PVT1: variants seen among roughly 807,000 people sequenced by gnomAD.
PVT1 encodes CXCR4/PVT1 fusion.
At chr8:127,885,123 G>T (rs1815508717) in intron 2 of PVT1, among the ~76,000 whole-genome samples, 1 of 151,856 alleles carries the variant, frequency 6.6e-6, no homozygotes, top group Admixed American at 6.6e-5. Flanking sequence ...ACATTCAGGA[G>T]CAGTGCCTCT....
At chr8:128,089,882 G>A (rs2648898) in intron 5 of PVT1, among the ~76,000 whole-genome samples, 27,086 of 152,116 alleles carry the variant, frequency 0.18, 2,807 homozygotes, top group East Asian at 0.29. Context: ...ATGTGAGTTC[G>A]CTAGGGCCTC....
At chr8:127,890,038 TAGTG>T (rs903610883) in intron 2 of PVT1, among the ~76,000 whole-genome samples, 6 of 152,124 alleles carry the variant, frequency 3.9e-5, no homozygotes, top group African/African-American at 1.4e-4. Flanking sequence ...GCTCAGTAGT[TAGTG>T]AATGAATGAG....
intron 2 of PVT1, among the ~76,000 whole-genome samples, chr8:127,878,454 T>C (rs1815429788): frequency 6.6e-6 from 1 of 152,182 alleles, no homozygotes; most frequent in South Asian, 2.1e-4. Flanking sequence ...GCTTCGCAGA[T>C]TTGGAAGCCT....
chr8:127,863,236 C>T (rs932173799), intron 2 of PVT1, among the ~76,000 whole-genome samples: 3 of 152,010 alleles, frequency 2.0e-5, no homozygotes, highest in South Asian at 2.1e-4. Flanking sequence ...TTCAGCCTCC[C>T]GAGTTGCTGG....
intron 2 of PVT1, among the ~76,000 whole-genome samples, chr8:127,820,132 G>C (rs73710030): frequency 5.1e-4 from 78 of 152,320 alleles, no homozygotes; most frequent in African/African-American, 1.9e-3. Flanking sequence ...AAGGCCAGCG[G>C]TCCAGCACTC....
chr8:127,966,484 C>T (rs529363953), intron 3 of PVT1, among the ~76,000 whole-genome samples: 1 of 152,312 alleles, frequency 6.6e-6, no homozygotes, highest in African/African-American at 2.4e-5. Context: ...GGAAGCTAAA[C>T]TGGGACATAA....
chr8:128,032,074 A>G (rs1306747905), intron 4 of PVT1, among the ~76,000 whole-genome samples: 1 of 152,172 alleles, frequency 6.6e-6, no homozygotes, highest in Non-Finnish European at 1.5e-5. Flanking sequence ...TTTCAAATCC[A>G]TTTTCATTGT....
At chr8:128,048,298 C>T (rs1813644586) in intron 4 of PVT1, 1 of 152,158 alleles carries the variant, frequency 6.6e-6, no homozygotes, top group Admixed American at 6.5e-5. Flanking sequence ...GTTTTCTTTC[C>T]ACAGTTTCCT....
At chr8:128,027,422 T>C (rs993319301) in intron 4 of PVT1, among the ~76,000 whole-genome samples, 3 of 152,122 alleles carry the variant, frequency 2.0e-5, no homozygotes, top group African/African-American at 7.2e-5. Flanking sequence ...GGGACAGGCA[T>C]CCTATATCCT....
intron 4 of PVT1, among the ~76,000 whole-genome samples, chr8:128,063,877 A>T (rs920346661): frequency 1.3e-5 from 2 of 152,250 alleles, no homozygotes; most frequent in Non-Finnish European, 2.9e-5. Flanking sequence ...TAACTACATG[A>T]GGTAATGCAC....
intron 5 of PVT1, among the ~76,000 whole-genome samples, chr8:128,075,589 T>C (rs1341870732): frequency 6.6e-6 from 1 of 152,074 alleles, no homozygotes; most frequent in Non-Finnish European, 1.5e-5. Context: ...GTGTAGGTCA[T>C]GTTTGTTATC....
rs558121116 is a variant in PVT1, at chr8:127,812,268, A to C, written n.372+16197A>C. On this transcript the variant is annotated intron_variant and non_coding_transcript_variant, in intron 2 of 10. Transcript: ENST00000651587. ...GAAGGCAGGAAGGCAGGAAGGCAGG[A>C]AGGAAGGAAGGAAGGAAGGAAGAGA... 2.6e-4 allele frequency among the ~76,000 whole-genome samples: 34 copies of C among 131,306 alleles called. No individual in the cohort carries two copies. The South Asian group carries it at 6.8e-3, about 26-fold the overall frequency. The allele number at this position is 131,306 out of a possible 152,430, so 86.1% of individuals were successfully genotyped here. A position where few individuals can be genotyped will look rare whatever the true frequency, so the allele number is the denominator to read the frequency against.
At chr8:128,019,396 T>A (rs902277822) in intron 4 of PVT1, among the ~76,000 whole-genome samples, 2 of 152,304 alleles carry the variant, frequency 1.3e-5, no homozygotes, top group Admixed American at 1.3e-4. Context: ...TTTATGCAAA[T>A]GTAGTGGTGC....
rs1367256141 is a variant in PVT1 at position 127,839,562 on chromosome 8, T to TA, written n.372+43501dup. On this transcript the variant is annotated intron_variant and non_coding_transcript_variant, in intron 2 of 10. Transcript: ENST00000651587. ...GAGATCCTATCTCAAAAATAAAAAATAAAAAAAAAATGAAAAAAAAAATAA... is the reference window on the plus strand; with the variant it reads ...GAGATCCTATCTCAAAAATAAAAAATAAAAAAAAAAATGAAAAAAAAAATAA... Among the ~76,000 whole-genome samples, 36 of 69,782 alleles carry TA rather than the reference T, an allele frequency of 5.2e-4. 1 individual carries two copies. The highest frequency in any genetic ancestry group is 4.2e-4 in the Admixed American group (3 of 7,070). The allele number at this position is 69,782 out of a possible 152,430, so 45.8% of individuals were successfully genotyped here. A position where few individuals can be genotyped will look rare whatever the true frequency, so the allele number is the denominator to read the frequency against.
chr8:127,816,698 A>G (rs1814664515), intron 2 of PVT1, among the ~76,000 whole-genome samples: 1 of 151,488 alleles, frequency 6.6e-6, no homozygotes, highest in Non-Finnish European at 1.5e-5. Context: ...TAATTTTTGT[A>G]TTTTTAGTAG....
chr8:127,802,898 T>C (rs1200346632), intron 2 of PVT1, among the ~76,000 whole-genome samples: 1 of 151,916 alleles, frequency 6.6e-6, no homozygotes, highest in Non-Finnish European at 1.5e-5. Context: ...TGGAAGAGAC[T>C]CGCCCAGGAG....
Position 127,898,204 on chromosome 8 carries a change from AAGAAG to A in PVT1, n.782+7211_782+7215del, listed in dbSNP as rs573148883. ...TCTGTCCTTTGTACCTGCGTGAAGA[AAGAAG>A]AGAAAAGAAAGAAAAGAAAGAAAGA... On this transcript the variant is annotated intron_variant and non_coding_transcript_variant, in intron 3 of 10. Transcript: ENST00000651587. This position sits in a 1 kb window ranked among gnomAD's most constrained non-coding sequence, Gnocchi z 4.4. 3.2e-4 allele frequency among the ~76,000 whole-genome samples: 48 copies of A among 152,136 alleles called. No homozygotes were observed. The East Asian group carries it at 8.7e-3, about 28-fold the overall frequency.
chr8:128,075,500 G>GA (rs1366779528), intron 5 of PVT1, among the ~76,000 whole-genome samples: 1 of 151,692 alleles, frequency 6.6e-6, no homozygotes, highest in Non-Finnish European at 1.5e-5. Context: ...ATTCATTTCG[G>GA]AAAAATTAAA....
chr8:128,007,920 A>G (rs1817266110), intron 4 of PVT1, among the ~76,000 whole-genome samples: 1 of 152,224 alleles, frequency 6.6e-6, no homozygotes, highest in Non-Finnish European at 1.5e-5. Flanking sequence ...TGTAGACACA[A>G]AGGTGGCCTA....
Sources: allele counts gnomAD v4.1 joint callset (sites outside exome capture counted in the v4.1 genomes callset), GRCh38; gene constraint gnomAD v4.1.1; non-coding constraint Gnocchi (gnomAD v3.1); transcripts MANE v1.5; gene names NCBI Gene and HGNC (gene_info 2026-07-23, HGNC 2026-07-21).